Variants in ADGRG6 observed in about 807,000 individuals in gnomAD.
ADGRG6 encodes adhesion G protein-coupled receptor G6, also known as G-protein coupled receptor 126.
A neutral mutation model predicts 142.4 loss-of-function variants in ADGRG6; 84 were observed. That is an observed-to-expected ratio of 0.59 (90% CI 0.49 to 0.71). The LOEUF (loss-of-function observed/expected upper bound fraction) is 0.71, where lower values mean the gene tolerates loss of function less well. Ranked by LOEUF, ADGRG6 falls within the 30% of genes least tolerant of loss-of-function variation. The pLI, the probability that ADGRG6 is intolerant of heterozygous loss-of-function variation, is 0.00. For synonymous variants in ADGRG6, 521 were observed against 520.5 expected, an observed-to-expected ratio of 1.00 and a Z score of -0.01; for missense variants, 1,367 against 1,466.6, an observed-to-expected ratio of 0.93 and a Z score of 1.11.
chr6:142,368,781 T>C (rs1378177335), intron 3 of ADGRG6, among the ~76,000 whole-genome samples: 1 of 152,104 alleles, frequency 6.6e-6, no homozygotes, highest in Non-Finnish European at 1.5e-5. Context: ...TCAAAATATT[T>C]TAAATTTTTC....
chr6:142,355,546 C>T (rs1473655046), intron 2 of ADGRG6, among the ~76,000 whole-genome samples: 3 of 152,088 alleles, frequency 2.0e-5, no homozygotes, highest in Non-Finnish European at 2.9e-5. Context: ...AACTGCACCT[C>T]GATAGTGAGT....
Position 142,438,440 on chromosome 6 carries a change from T to C in ADGRG6, c.3574+76T>C, listed in dbSNP as rs971307820. 6.3e-5 allele frequency: 58 copies of C among 914,158 alleles called. No homozygotes were observed. The East Asian group carries it at 1.3e-3, about 20-fold the overall frequency. The allele number at this position is 914,158 out of a possible 1,614,324, so 56.6% of individuals were successfully genotyped here. A position where few individuals can be genotyped will look rare whatever the true frequency, so the allele number is the denominator to read the frequency against. ...AAAATTGGCATATCATGAAGATTGATAAATCACAGTGCCTAAGAGGGTGCA... is the reference window on the plus strand; with the variant it reads ...AAAATTGGCATATCATGAAGATTGACAAATCACAGTGCCTAAGAGGGTGCA... On this transcript the variant is annotated intron_variant, in intron 24 of 24. Transcript: ENST00000367609.
chr6:142,332,157 C>T (rs941549711), intron 2 of ADGRG6, among the ~76,000 whole-genome samples: 1 of 151,900 alleles, frequency 6.6e-6, no homozygotes, highest in African/African-American at 2.4e-5. Context: ...TATAGGTGGC[C>T]GCCCCTTTTC....
chr6:142,390,679 G>A (rs898994664), intron 7 of ADGRG6, among the ~76,000 whole-genome samples: 1 of 151,710 alleles, frequency 6.6e-6, no homozygotes, highest in Non-Finnish European at 1.5e-5. Context: ...TTTAAAAATT[G>A]TTTGAATGTT....
intron 4 of ADGRG6, among the ~76,000 whole-genome samples, chr6:142,381,244 G>GTA (rs1422174451): frequency 6.6e-6 from 1 of 152,052 alleles, no homozygotes; most frequent in East Asian, 1.9e-4. Context: ...ATATATGTGT[G>GTA]TATATATATG....
At chr6:142,441,476 C>T (rs183070030) in intron 24 of ADGRG6, among the ~76,000 whole-genome samples, 1 of 152,190 alleles carries the variant, frequency 6.6e-6, no homozygotes, top group East Asian at 1.9e-4. Context: ...GTCTTTATTA[C>T]CCATAATGTA....
intron 2 of ADGRG6, among the ~76,000 whole-genome samples, chr6:142,356,570 AGCAT>A (rs1270322907): frequency 2.6e-5 from 4 of 152,364 alleles, no homozygotes; most frequent in African/African-American, 9.6e-5. Context: ...TCCTTAGTGA[AGCAT>A]CATATGTCTT....
intron 2 of ADGRG6, among the ~76,000 whole-genome samples, chr6:142,347,740 G>A (rs1350403014): frequency 6.6e-6 from 1 of 152,120 alleles, no homozygotes; most frequent in Non-Finnish European, 1.5e-5. Flanking sequence ...GTTTGTCTAA[G>A]ATGACTACGT....
chr6:142,377,411 C>A (rs1411933736), intron 4 of ADGRG6, among the ~76,000 whole-genome samples: 1 of 152,186 alleles, frequency 6.6e-6, no homozygotes, highest in Non-Finnish European at 1.5e-5. Context: ...TCCCACAAGT[C>A]GGGCTCCAGT....
intron 2 of ADGRG6, among the ~76,000 whole-genome samples, chr6:142,312,649 AAC>A (rs1334416572): frequency 6.6e-6 from 1 of 152,120 alleles, no homozygotes; most frequent in African/African-American, 2.4e-5. Context: ...GTAATTAGGT[AAC>A]ACATAAAAAA....
At chr6:142,440,772 C>T (rs984735793) in intron 24 of ADGRG6, 1 of 575,426 alleles carries the variant, frequency 1.7e-6, no homozygotes, top group Non-Finnish European at 3.1e-6. Flanking sequence ...GCTTTGGCTA[C>T]CCAGACAGTT....
In ADGRG6 at chr6:142,395,985, A is replaced by T. The variant is rs187989484; in HGVS notation, c.1425-1628A>T. Among the ~76,000 whole-genome samples the T allele has an allele frequency of 2.6e-5, 4 of 152,330 alleles. No homozygotes were observed. The East Asian group carries it at 7.7e-4, about 29-fold the overall frequency. On this transcript the variant is annotated intron_variant, in intron 9 of 24. Coordinates refer to ENST00000367609, the MANE Select transcript of ADGRG6 (RefSeq NM_198569.3). ...AGAATGGCTGATGGTAACAACAGATAGAATGTAACTTTGTAGAACCATAAA... is the reference window on the plus strand; with the variant it reads ...AGAATGGCTGATGGTAACAACAGATTGAATGTAACTTTGTAGAACCATAAA...
Position 142,383,790 on chromosome 6 carries a change from C to G in ADGRG6, c.1169C>G (p.Pro390Arg), listed in dbSNP as rs2114938284. 1 of 1,574,286 alleles carries G rather than the reference C, an allele frequency of 6.4e-7. No homozygotes were observed. Among genetic ancestry groups the G allele is most frequent in the South Asian group, 1.1e-5 (1 of 90,102 alleles). ...GTAAACTCTCCTAGTACTACACCAC[C>G]CACTGTCACCACTAACATGCCTGTT... ...ATVNSPSTTP[P>R]TVTTNMPVTN... The change falls in exon 6 of 25, where the codon CCC (proline) becomes CGC (arginine). Residue 390 changes from proline to arginine, a missense_variant. By Grantham distance (103) the Pro-to-Arg change is moderately radical. Transcript: ENST00000367609.
intron 22 of ADGRG6, among the ~76,000 whole-genome samples, chr6:142,423,380 A>G (rs1438132278): frequency 6.6e-6 from 1 of 152,066 alleles, no homozygotes; most frequent in African/African-American, 2.4e-5. Flanking sequence ...AGCTTTCTAC[A>G]TATGGCTAGC....
chr6:142,339,826 A>G (rs1464502776), intron 2 of ADGRG6, among the ~76,000 whole-genome samples: 1 of 152,196 alleles, frequency 6.6e-6, no homozygotes, highest in Non-Finnish European at 1.5e-5. Context: ...GCCTTACATC[A>G]TGGAAACTTC....
rs1176826782 is a variant in ADGRG6 at position 142,437,462 on chromosome 6, T to C, written c.3348T>C (p.Ala1116=). The C allele has an allele frequency of 2.5e-6, 4 of 1,571,300 alleles. No individual in the cohort carries two copies. The highest frequency in any genetic ancestry group is 3.5e-6 in the Non-Finnish European group (4 of 1,141,110). ...QGLFIFIFHC[A]MKENVQKQWR... ...TATTTATATTCATCTTCCACTGTGC[T>C]ATGAAGGAGAATGTTCAGAAACAGT... The change falls in exon 23 of 25, where the codon GCT becomes GCC. Residue 1116 remains alanine (A), a synonymous_variant. Transcript: ENST00000367609.
chr6:142,377,239 AAAAAC>A (rs1042251584), intron 4 of ADGRG6, among the ~76,000 whole-genome samples: 3 of 152,238 alleles, frequency 2.0e-5, no homozygotes, highest in Admixed American at 1.3e-4. Flanking sequence ...GGCAAAAAGG[AAAAAC>A]AAAACAAAAA....
chr6:142,326,124 T>C (rs139136487), intron 2 of ADGRG6, among the ~76,000 whole-genome samples: 7 of 152,210 alleles, frequency 4.6e-5, no homozygotes, highest in Non-Finnish European at 1.0e-4. Context: ...GTAGATAGTA[T>C]GCAAATATTA....
At chr6:142,351,728 A>G (rs1440822620) in intron 2 of ADGRG6, among the ~76,000 whole-genome samples, 1 of 152,212 alleles carries the variant, frequency 6.6e-6, no homozygotes, top group Non-Finnish European at 1.5e-5. Flanking sequence ...GCTTCTGCAC[A>G]GCAAATGAAA....
Sources: allele counts gnomAD v4.1 joint callset (sites outside exome capture counted in the v4.1 genomes callset), GRCh38; gene constraint gnomAD v4.1.1; transcripts MANE v1.5; gene names NCBI Gene and HGNC (gene_info 2026-07-23, HGNC 2026-07-21).